Variants in RICTOR observed in about 807,000 individuals in gnomAD.
The protein encoded by RICTOR is rapamycin-insensitive companion of mTOR.
Under a neutral mutation model 214.9 loss-of-function variants are expected in RICTOR, and 49 were observed. The observed-to-expected ratio is 0.23, with a 90% CI of 0.18 to 0.29. The LOEUF (loss-of-function observed/expected upper bound fraction) is 0.29, where lower values mean the gene tolerates loss of function less well. Among genes scored for constraint, RICTOR ranks in the 10% least tolerant of loss-of-function variants. The probability of loss-of-function intolerance (pLI) is 1.00; values close to 1 mark genes in which losing one functional copy is unlikely to be tolerated. For missense variants in RICTOR, 1,625 were observed against 2,047.0 expected (o/e 0.79, Z 3.98); for synonymous variants, 717 against 711.3 (o/e 1.01, Z -0.13).
At chr5:39,003,907 T>A (rs913231788) in intron 3 of RICTOR, among the ~76,000 whole-genome samples, 18 of 152,174 alleles carry the variant, frequency 1.2e-4, no homozygotes, top group African/African-American at 4.3e-4. Flanking sequence ...AAAATGGTTC[T>A]TTTAGTGGCT....
rs1252780575 is a variant in RICTOR at position 38,959,180 on chromosome 5, C to T, written c.2178+15G>A. The stretch of plus-strand genomic sequence containing the variant: ...TTGGTTATAAATATAGTTTTACTGG[C>T]TATGTTATACTCACATCAGTAGCTG... On this transcript the variant is annotated intron_variant, in intron 22 of 37. Transcript: ENST00000357387. 6.4e-7 allele frequency: 1 copy of T among 1,553,240 alleles called. No individual in the cohort carries two copies.
rs542554244 is a variant in RICTOR at position 38,961,343 on chromosome 5, G to A, written c.1716-810C>T. ...GAACTTTGTCCCATGGCTCAATAAT[G>A]TTCTATTGTTAAGATAATAATTGTA... On this transcript the variant is annotated intron_variant, in intron 19 of 37. Coordinates refer to ENST00000357387, the MANE Select transcript of RICTOR (RefSeq NM_152756.5). Among the ~76,000 whole-genome samples the A allele has an allele frequency of 7.9e-5, 12 of 152,168 alleles. No homozygotes were observed. The East Asian group carries it at 1.4e-3, about 17-fold the overall frequency.
At chr5:38,969,534 T>G (rs960257308) in intron 11 of RICTOR, among the ~76,000 whole-genome samples, 8 of 13,172 alleles carry the variant, frequency 6.1e-4, no homozygotes, top group Non-Finnish European at 1.9e-3. Flanking sequence ...GTCTGTAAAG[T>G]CTACAGTAGT....
chr5:39,057,734 A>C (rs1242940761), intron 2 of RICTOR, among the ~76,000 whole-genome samples: 1 of 152,128 alleles, frequency 6.6e-6, no homozygotes, highest in Non-Finnish European at 1.5e-5. Context: ...TAAATAGTCT[A>C]GACTCAGAGT....
intron 7 of RICTOR, 76 bp downstream of exon 7, chr5:38,990,873 G>GATAGAT (rs1752723076): frequency 2.5e-6 from 2 of 790,154 alleles, no homozygotes; most frequent in Non-Finnish European, 3.9e-6. Flanking sequence ...ATAGATATAT[G>GATAGAT]ATAGATATAT....
rs529725441 is a variant in RICTOR at position 38,976,556 on chromosome 5, G to A, written c.822-952C>T. 7.2e-5 allele frequency among the ~76,000 whole-genome samples: 11 copies of A among 152,260 alleles called. No individual in the cohort carries two copies. The East Asian group carries it at 1.9e-3, about 27-fold the overall frequency. On this transcript the variant is annotated intron_variant, in intron 9 of 37. Transcript: ENST00000357387. The stretch of plus-strand genomic sequence containing the variant: ...TGAAAATGGGGGCGGGGGTGGCTTG[G>A]AAGAAGGGAGAATCAGACACCTGTG...
intron 10 of RICTOR, among the ~76,000 whole-genome samples, chr5:38,975,074 CT>C (rs879290069): frequency 1.3e-5 from 2 of 152,132 alleles, no homozygotes; most frequent in Non-Finnish European, 2.9e-5. Flanking sequence ...AAAAACAATA[CT>C]TACTTTTTAT....
At chr5:39,001,256 A>G (rs1753594467) in intron 5 of RICTOR, among the ~76,000 whole-genome samples, 2 of 152,114 alleles carry the variant, frequency 1.3e-5, no homozygotes, top group African/African-American at 4.8e-5. Flanking sequence ...CCAACTAAAG[A>G]GGATAGAGAA....
At chr5:38,960,823 CAGTG>C (rs1281993563) in intron 19 of RICTOR, among the ~76,000 whole-genome samples, 19 of 152,028 alleles carry the variant, frequency 1.2e-4, no homozygotes, top group Admixed American at 7.2e-4. Context: ...GTTCTCGTGA[CAGTG>C]AGTGAGTTCT....
intron 8 of RICTOR, 53 bp downstream of exon 8, chr5:38,981,814 G>A (rs1024405763): frequency 4.8e-6 from 6 of 1,255,816 alleles, no homozygotes; most frequent in Non-Finnish European, 6.8e-6. Context: ...CAAAGTAAAA[G>A]TATACATTTA....
In RICTOR at chr5:39,000,285, C is replaced by T. The variant is rs1580060294; in HGVS notation, c.392+2250G>A. On this transcript the variant is annotated intron_variant, in intron 5 of 37. Transcript: ENST00000357387. The stretch of plus-strand genomic sequence containing the variant: ...ATATATTTTCCAGGTAATATGAAAA[C>T]AAGGCCATATTTCCCTAGTTGTTTT... Among the ~76,000 whole-genome samples the T allele has an allele frequency of 2.6e-5, 4 of 151,446 alleles. 1 individual carries two copies. In the South Asian group the frequency reaches 8.3e-4, roughly 31 times the overall value.
chr5:38,967,080 C>A (rs544553618), intron 14 of RICTOR, 81 bp downstream of exon 14: 1 of 1,075,730 alleles, frequency 9.3e-7, no homozygotes, highest in South Asian at 1.3e-5. Flanking sequence ...GGATTACAGG[C>A]GTGAGTCACC....
At chr5:39,035,869 G>A (rs201779650) in intron 2 of RICTOR, among the ~76,000 whole-genome samples, 1 of 152,176 alleles carries the variant, frequency 6.6e-6, no homozygotes, top group African/African-American at 2.4e-5. Context: ...CGGGGAGAAT[G>A]GAACCAAGTT....
chr5:39,036,120 C>G (rs777154349), intron 2 of RICTOR, among the ~76,000 whole-genome samples: 3 of 152,286 alleles, frequency 2.0e-5, no homozygotes, highest in African/African-American at 4.8e-5. Flanking sequence ...CGGATCTCTC[C>G]GCAGAAACTC....
intron 6 of RICTOR, among the ~76,000 whole-genome samples, chr5:38,994,451 A>AAAAAAAAG (rs1304761708): frequency 0.029 from 2,907 of 101,446 alleles, 705 homozygotes; most frequent in Non-Finnish European, 0.033. Flanking sequence ...AAAAAAAAAA[A>AAAAAAAAG]AGTGCTTCAG....
intron 2 of RICTOR, among the ~76,000 whole-genome samples, chr5:39,044,741 T>C (rs576385931): frequency 2.1e-4 from 32 of 152,174 alleles, no homozygotes; most frequent in South Asian, 4.1e-4. Context: ...TGGCAATGCA[T>C]AGGAAAACAA....
rs1748186312 is a variant in RICTOR, at chr5:38,946,329, A to C, written c.4399+139T>G. On this transcript the variant is annotated intron_variant, in intron 33 of 37. Coordinates refer to ENST00000357387, the MANE Select transcript of RICTOR (RefSeq NM_152756.5). The stretch of plus-strand genomic sequence containing the variant: ...GTGGTTTAATTTTAAGCTGACTTTA[A>C]CAATTGTTTTGGTATAATTTTAAAG... 4 of 613,544 alleles carry C rather than the reference A, an allele frequency of 6.5e-6. No homozygotes were observed. The East Asian group carries it at 1.1e-4, about 16-fold the overall frequency. The allele number at this position is 613,544 out of a possible 1,614,324, so 38.0% of individuals were successfully genotyped here.
At chr5:38,987,523 T>C (rs1752265014) in intron 7 of RICTOR, among the ~76,000 whole-genome samples, 1 of 152,188 alleles carries the variant, frequency 6.6e-6, no homozygotes, top group South Asian at 2.1e-4. Flanking sequence ...TATTCTCTTA[T>C]AACAGTCTGT....
In RICTOR at chr5:38,960,479, G is replaced by A. The variant is rs777266498; in HGVS notation, c.1770C>T (p.Asn590=). The A allele has an allele frequency of 6.8e-6, 11 of 1,613,732 alleles. No individual in the cohort carries two copies. The Admixed American group carries it at 1.2e-4, about 17-fold the overall frequency. The change falls in exon 20 of 38, where the codon AAC becomes AAT. Residue 590 remains asparagine (N), a synonymous_variant. Transcript: ENST00000357387. ...FYKPSSKLYA[N]LDLDFAKAKQ... ...TGGCCTTGGCAAAATCCAGATCCAG[G>A]TTGGCATATAATTTACTGCTGGGCT...
Sources: gnomAD v4.1 joint callset for allele counts (sites outside exome capture counted in the v4.1 genomes callset) on GRCh38, gnomAD v4.1.1 for gene constraint, MANE v1.5 for transcripts, NCBI Gene and HGNC (gene_info 2026-07-23, HGNC 2026-07-21) for gene names.